BIRC6: variants seen among roughly 807,000 people sequenced by gnomAD.
BIRC6 encodes the protein dual E2 ubiquitin-conjugating enzyme/E3 ubiquitin-protein ligase BIRC6.
Under a neutral mutation model 503.3 loss-of-function variants are expected in BIRC6, and 98 were observed. The observed-to-expected ratio is 0.19, with a 90% CI of 0.17 to 0.23. The LOEUF is 0.23. Among genes scored for constraint, BIRC6 ranks in the 10% least tolerant of loss-of-function variants. The probability of loss-of-function intolerance (pLI) is 1.00; values close to 1 mark genes in which losing one functional copy is unlikely to be tolerated. For synonymous variants in BIRC6, 2,240 were observed against 2,078.7 expected, an observed-to-expected ratio of 1.08 and a Z score of -2.11; for missense variants, 5,360 against 5,806.0, an observed-to-expected ratio of 0.92 and a Z score of 2.50.
At chr2:32,516,157 T>G (rs1304061438) in intron 55 of BIRC6, among the ~76,000 whole-genome samples, 1 of 152,232 alleles carries the variant, frequency 6.6e-6, no homozygotes, top group Non-Finnish European at 1.5e-5. Context: ...GATAGTTTGC[T>G]TCTCTTTACA....
chr2:32,538,365 A>G (rs566977735), intron 61 of BIRC6, among the ~76,000 whole-genome samples: 1 of 152,184 alleles, frequency 6.6e-6, no homozygotes, highest in African/African-American at 2.4e-5. Flanking sequence ...CACCGAGAGG[A>G]TACAATTTAC....
chr2:32,521,365 C>CAAAA (rs35410265), intron 57 of BIRC6, among the ~76,000 whole-genome samples: 548 of 21,522 alleles, frequency 0.025, 177 homozygotes, highest in Middle Eastern at 0.11. Context: ...GACCTCATCT[C>CAAAA]AAAAAAAAAA....
intron 10 of BIRC6, among the ~76,000 whole-genome samples, chr2:32,427,739 GGT>G (rs367894620): frequency 6.6e-5 from 10 of 150,436 alleles, no homozygotes; most frequent in East Asian, 3.9e-4. Flanking sequence ...GACATTTTCA[GGT>G]GTGTGTGTGT....
At chr2:32,361,586 T>G (rs1354791302) in intron 1 of BIRC6, among the ~76,000 whole-genome samples, 1 of 152,196 alleles carries the variant, frequency 6.6e-6, no homozygotes, top group Non-Finnish European at 1.5e-5. Context: ...GGCTGTGGGT[T>G]TGGACAATGT....
chr2:32,493,651 A>G lies in BIRC6; in HGVS notation c.8452A>G (p.Ile2818Val), dbSNP rs1171738755. ...TGAATTTTTGCTCAAGCTAATTCAT[A>G]TACTTTCAACTGAAAGGTAAATTTT... ...FSEFLLKLIHILSTERGAFQT... is the reference protein window; with the variant it reads ...FSEFLLKLIHVLSTERGAFQT... Residue 2818 changes from isoleucine to valine, a missense_variant, in exon 45 of 74, where the codon ATA becomes GTA. Coordinates refer to ENST00000421745, the MANE Select transcript of BIRC6 (RefSeq NM_016252.4). The G allele has an allele frequency of 1.2e-6, 2 of 1,603,796 alleles. No homozygotes were observed. Among genetic ancestry groups the G allele is most frequent in the East Asian group, 2.2e-5 (1 of 44,674 alleles).
At chr2:32,576,729 A>G (rs904472485) in intron 66 of BIRC6, among the ~76,000 whole-genome samples, 11 of 152,130 alleles carry the variant, frequency 7.2e-5, no homozygotes, top group African/African-American at 2.7e-4. Flanking sequence ...TTGTTGGCTT[A>G]ATGTGTTGTC....
intron 1 of BIRC6, among the ~76,000 whole-genome samples, chr2:32,373,900 T>C (rs2036334813): frequency 6.6e-6 from 1 of 152,164 alleles, no homozygotes; most frequent in South Asian, 2.1e-4. Flanking sequence ...TAGGCTCTAA[T>C]GTGGAGGAAC....
chr2:32,465,205 G>GTTTTTTTTT, intron 26 of BIRC6, 41 bp downstream of exon 26: 1 of 617,480 alleles, frequency 1.6e-6, no homozygotes, highest in Admixed American at 7.1e-5. Context: ...TTTTTTTTTT[G>GTTTTTTTTT]CTTAGTCTGC....
chr2:32,584,616 T>G (rs2060906486), intron 66 of BIRC6, among the ~76,000 whole-genome samples: 1 of 152,238 alleles, frequency 6.6e-6, no homozygotes, highest in Non-Finnish European at 1.5e-5. Flanking sequence ...TGTATGTTTT[T>G]CTTGTTCAAT....
chr2:32,522,831 CCTGTATAGATCT>C (rs1165958159), intron 57 of BIRC6: 1 of 152,098 alleles, frequency 6.6e-6, no homozygotes, highest in Admixed American at 6.5e-5. Flanking sequence ...TCTTGAAGAC[CCTGTATAGATCT>C]CTGGAGATCC....
At chr2:32,530,451 T>A (rs561571775) in intron 60 of BIRC6, among the ~76,000 whole-genome samples, 2 of 152,210 alleles carry the variant, frequency 1.3e-5, no homozygotes, top group African/African-American at 2.4e-5. Flanking sequence ...CCTCAACTTA[T>A]CTGCCCGCTT....
chr2:32,459,121 A>C (rs942243105), intron 23 of BIRC6, among the ~76,000 whole-genome samples: 6 of 152,178 alleles, frequency 3.9e-5, no homozygotes, highest in African/African-American at 1.4e-4. Context: ...AGTGTTATGC[A>C]GTTATCACCA....
At chr2:32,442,763 G>T (rs1490927217) in intron 19 of BIRC6, among the ~76,000 whole-genome samples, 2 of 152,146 alleles carry the variant, frequency 1.3e-5, no homozygotes, top group African/African-American at 4.8e-5. Context: ...TTCCTTGGTT[G>T]TCTTTTCTTG....
chr2:32,590,209 G>GTC (rs2061315160), intron 66 of BIRC6, among the ~76,000 whole-genome samples: 1 of 152,098 alleles, frequency 6.6e-6, no homozygotes, highest in Non-Finnish European at 1.5e-5. Flanking sequence ...TATAATTACT[G>GTC]TCAAAGAGCT....
chr2:32,597,545 A>C (rs2061753699), intron 68 of BIRC6, among the ~76,000 whole-genome samples: 1 of 152,212 alleles, frequency 6.6e-6, no homozygotes, highest in Admixed American at 6.5e-5. Context: ...TAGCATGTGA[A>C]AGACAAGAGT....
chr2:32,481,458 G>C lies in BIRC6; in HGVS notation c.7542+5G>C. 1 of 1,604,502 alleles carries C rather than the reference G, an allele frequency of 6.2e-7. No individual in the cohort carries two copies. The highest frequency in any genetic ancestry group is 8.5e-7 in the Non-Finnish European group (1 of 1,175,432). ...CTTGCAGCCAAGGTTTTTAAGGTAT[G>C]ATACATGAGAATAGTCTTTGAAAGG... On this transcript the variant is annotated splice_donor_5th_base_variant and intron_variant, in intron 38 of 73. Transcript: ENST00000421745.
rs1489338159 is a variant in BIRC6, at chr2:32,401,475, T to G, written c.1270T>G (p.Phe424Val). The change falls in exon 8 of 74, where the codon TTT becomes GTT. Residue 424 changes from phenylalanine (F) to valine (V), a missense_variant. Physicochemically the swap from Phe to Val is conservative, Grantham distance 50 (BLOSUM62 -1). Around this residue, in one of 16 missense-constraint regions of BIRC6, gnomAD observed 700 missense variants for 739.3 expected, o/e 0.95. Coordinates refer to ENST00000421745, the MANE Select transcript of BIRC6 (RefSeq NM_016252.4). ...VSKLMKVHLKFEINAYDPAIV... is the reference protein window; with the variant it reads ...VSKLMKVHLKVEINAYDPAIV... ...TTCATTTGTTTAGGTGCACTTAAAG[T>G]TTGAAATTAATGCCTATGATCCAGC... The G allele has an allele frequency of 6.2e-7, 1 of 1,613,784 alleles. No individual in the cohort carries two copies.
rs116422609 is a variant in BIRC6 at position 32,505,449 on chromosome 2, G to A, written c.9700+244G>A. 7.6e-3 allele frequency: 3,130 copies of A among 412,144 alleles called. 69 individuals carry two copies. The highest frequency in any genetic ancestry group is 0.058 in the African/African-American group (2,914 of 50,160). The allele number at this position is 412,144 out of a possible 1,614,324, so 25.5% of individuals were successfully genotyped here. On this transcript the variant is annotated intron_variant, in intron 50 of 73. Transcript: ENST00000421745. ...ATATGTTCCAGTTATATATTATTTCGCTTTCTCTTTTCTCTCAAATTTACT... is the reference window on the plus strand; with the variant it reads ...ATATGTTCCAGTTATATATTATTTCACTTTCTCTTTTCTCTCAAATTTACT...
intron 1 of BIRC6, among the ~76,000 whole-genome samples, chr2:32,369,945 A>AAATAT (rs1553373676): frequency 1.8e-4 from 8 of 44,208 alleles, no homozygotes; most frequent in Non-Finnish European, 2.6e-4. Context: ...AAAAAAAAAA[A>AAATAT]ATATATATAT....
Sources: gnomAD v4.1 joint callset for allele counts (sites outside exome capture counted in the v4.1 genomes callset) on GRCh38, gnomAD v4.1.1 for gene constraint, gnomAD v4.1.1 regional missense constraint, MANE v1.5 for transcripts, NCBI Gene and HGNC (gene_info 2026-07-23, HGNC 2026-07-21) for gene names.